The following GPATCH8 variants were observed in gnomAD, a reference collection of about 807,000 sequenced individuals.
GPATCH8 encodes the protein G-patch domain containing 8.
A neutral mutation model predicts 118.3 loss-of-function variants in GPATCH8; 18 were observed. That is an observed-to-expected ratio of 0.15 (90% confidence interval 0.11 to 0.23). GPATCH8 has a LOEUF of 0.23. GPATCH8 is among the 10% of genes least tolerant of loss of function. The pLI is 1.00. For synonymous variants in GPATCH8, 659 were observed against 684.7 expected (o/e 0.96, Z 0.59); for missense variants, 1,631 against 1,873.8 (o/e 0.87, Z 2.39).
chr17:44,454,015 C>A (rs2051234147), intron 3 of GPATCH8, among the ~76,000 whole-genome samples: 1 of 152,146 alleles, frequency 6.6e-6, no homozygotes, highest in Admixed American at 6.5e-5. Flanking sequence ...TCCAATTAGC[C>A]ACACCTACTC....
intron 1 of GPATCH8, among the ~76,000 whole-genome samples, chr17:44,483,548 C>T (rs891349541): frequency 3.3e-5 from 5 of 151,646 alleles, no homozygotes; most frequent in African/African-American, 7.3e-5. Context: ...CGCGACTGGC[C>T]GAGGTAGGCT....
chr17:44,496,467 A>T (rs981610627), intron 1 of GPATCH8, among the ~76,000 whole-genome samples: 1 of 152,226 alleles, frequency 6.6e-6, no homozygotes, highest in African/African-American at 2.4e-5. Context: ...CAATGTAATT[A>T]CCAAAGAGTC....
rs1555616382 is a variant in GPATCH8, at chr17:44,395,381, T to C, written c.*2187A>G. 6.6e-6 allele frequency: 3 copies of C among 452,372 alleles called. No individual in the cohort carries two copies. In the East Asian group the frequency reaches 2.1e-4, roughly 31 times the overall value. The allele number at this position is 452,372 out of a possible 1,614,324, so 28.0% of individuals were successfully genotyped here. ...AAAGTTAAATACAATCTGTTATGCT[T>C]GTAAGTAAGGTTTATTTTTATTTTT... is the stretch of plus-strand genomic sequence containing the variant. On this transcript the variant is annotated 3_prime_UTR_variant, in exon 8 of 8. Transcript: ENST00000591680.
Position 44,395,996 on chromosome 17 carries a change from C to A in GPATCH8, c.*1572G>T. On this transcript the variant is annotated 3_prime_UTR_variant, in exon 8 of 8. Transcript: ENST00000591680. ...GTCATGGGAGAAAAGAAACAAGGAACGTTTACTGTCTAAACTGAGCTGGGC... is the reference window on the plus strand; with the variant it reads ...GTCATGGGAGAAAAGAAACAAGGAAAGTTTACTGTCTAAACTGAGCTGGGC... 1 of 454,468 alleles carries A rather than the reference C, an allele frequency of 2.2e-6. No individual in the cohort carries two copies. The highest frequency in any genetic ancestry group is 1.6e-5 in the South Asian group (1 of 64,470). 28.2% of individuals were successfully genotyped at this position (454,468 alleles called of 1,614,324 possible). A position where few individuals can be genotyped will look rare whatever the true frequency, so the allele number is the denominator to read the frequency against.
intron 3 of GPATCH8, chr17:44,436,857 T>C: frequency 3.0e-6 from 1 of 331,392 alleles, no homozygotes; most frequent in Non-Finnish European, 5.7e-6. Context: ...ACTTTAAAAA[T>C]TCCTTTTAAG....
chr17:44,431,522 T>C (rs1028891658), intron 5 of GPATCH8, among the ~76,000 whole-genome samples: 2 of 151,756 alleles, frequency 1.3e-5, no homozygotes, highest in Non-Finnish European at 2.9e-5. Flanking sequence ...TAAGTGTTTA[T>C]AGTTTTTCTT....
At chr17:44,448,531 GAAGAAGGAAGAAGAAGAGGAA>G (rs1444636166) in intron 3 of GPATCH8, among the ~76,000 whole-genome samples, 39 of 91,470 alleles carry the variant, frequency 4.3e-4, no homozygotes, top group African/African-American at 1.4e-3. Context: ...GGAGGAAGAA[GAAGAAGGAAGAAGAAGAGGAA>G]GAGGAAGAAG....
chr17:44,442,205 T>C (rs1021534503), intron 3 of GPATCH8, among the ~76,000 whole-genome samples: 2 of 108,948 alleles, frequency 1.8e-5, no homozygotes, highest in African/African-American at 6.2e-5. Context: ...CTGCATATAG[T>C]GATGATGTAA....
chr17:44,405,839 T>A, intron 7 of GPATCH8, 82 bp downstream of exon 7: 1 of 1,087,246 alleles, frequency 9.2e-7, no homozygotes, highest in South Asian at 1.4e-5. Flanking sequence ...ATTTAAATCT[T>A]AAATTATAAT....
intron 2 of GPATCH8, among the ~76,000 whole-genome samples, chr17:44,468,977 C>T (rs7213378): frequency 0.047 from 7,166 of 152,190 alleles, 536 homozygotes; most frequent in African/African-American, 0.16. Flanking sequence ...GGTGGCTGTG[C>T]GGCCTGTTCT....
At chr17:44,477,932 C>T (rs1437093969) in intron 1 of GPATCH8, among the ~76,000 whole-genome samples, 1 of 151,862 alleles carries the variant, frequency 6.6e-6, no homozygotes, top group Non-Finnish European at 1.5e-5. Flanking sequence ...GCCTCAGCCT[C>T]CGGAGTAGCT....
rs2048917426 is a variant in GPATCH8, at chr17:44,399,394, T to C, written c.2683A>G (p.Ser895Gly). The C allele has an allele frequency of 6.2e-7, 1 of 1,614,062 alleles. No homozygotes were observed. Residue 895 changes from serine (S) to glycine (G), a missense_variant, in exon 8 of 8, where the codon AGT becomes GGT. Ser to Gly is a moderately conservative substitution (Grantham distance 56, BLOSUM62 0). This residue lies in a region of GPATCH8 where 922 missense variants were observed against 879.7 expected (regional missense o/e 1.05). Coordinates refer to ENST00000591680, the MANE Select transcript of GPATCH8 (RefSeq NM_001002909.4). Reference protein sequence around the residue: ...RQRSYSDDSYSDYSDRSRRHS... With the variant: ...RQRSYSDDSYGDYSDRSRRHS... Reference sequence around the variant, plus strand: ...CTTCGTGATCTGTCACTGTAGTCACTGTAGCTGTCATCAGAGTAACTGCGC... The same window carrying C: ...CTTCGTGATCTGTCACTGTAGTCACCGTAGCTGTCATCAGAGTAACTGCGC...
chr17:44,451,264 T>C (rs2051102050), intron 3 of GPATCH8, among the ~76,000 whole-genome samples: 1 of 152,172 alleles, frequency 6.6e-6, no homozygotes, highest in Non-Finnish European at 1.5e-5. Context: ...TGGCTAATTT[T>C]TGTATATTTT....
chr17:44,468,848 C>A (rs1342633724), intron 2 of GPATCH8, among the ~76,000 whole-genome samples: 1 of 151,872 alleles, frequency 6.6e-6, no homozygotes, highest in Non-Finnish European at 1.5e-5. Flanking sequence ...GCAAAGAAAT[C>A]CTAACTTTAA....
At chr17:44,417,256 A>T (rs1023187645) in intron 6 of GPATCH8, among the ~76,000 whole-genome samples, 1 of 152,214 alleles carries the variant, frequency 6.6e-6, no homozygotes, top group African/African-American at 2.4e-5. Context: ...CAAACAGTTT[A>T]GACAAGGTCA....
chr17:44,477,858 A>G (rs915588700), intron 1 of GPATCH8, among the ~76,000 whole-genome samples: 1 of 152,188 alleles, frequency 6.6e-6, no homozygotes, highest in Non-Finnish European at 1.5e-5. Context: ...CGCCCAGGCT[A>G]GAGCGCAGTG....
intron 3 of GPATCH8, among the ~76,000 whole-genome samples, chr17:44,453,500 G>GGGGTGTGTGTGTGTGTGTGTGTGTGT (rs1222816424): frequency 7.0e-6 from 1 of 142,702 alleles, no homozygotes; most frequent in African/African-American, 2.7e-5. Flanking sequence ...GGTAGGTAGG[G>GGGGTGTGTGTGTGTGTGTGTGTGTGT]GTGTGTGTGT....
rs567620294 is a variant in GPATCH8, at chr17:44,456,194, C to A, written c.193+8278G>T. Among the ~76,000 whole-genome samples the A allele has an allele frequency of 2.6e-5, 4 of 152,108 alleles. No individual in the cohort carries two copies. In the South Asian group the frequency reaches 8.3e-4, roughly 32 times the overall value. ...AGTGGCACATCACAGCTCACTATAA[C>A]CTCCAACACTAGGTAGGGCTCAAGC... On this transcript the variant is annotated intron_variant, in intron 3 of 7. Transcript: ENST00000591680.
At chr17:44,470,860 C>T (rs1225814015) in intron 2 of GPATCH8, among the ~76,000 whole-genome samples, 1 of 152,224 alleles carries the variant, frequency 6.6e-6, no homozygotes, top group Non-Finnish European at 1.5e-5. Context: ...TCCTAAAAAA[C>T]ACCAATTAAT....
Sources: gnomAD v4.1 joint callset for allele counts (sites outside exome capture counted in the v4.1 genomes callset) on GRCh38, gnomAD v4.1.1 for gene constraint, gnomAD v4.1.1 regional missense constraint, MANE v1.5 for transcripts, NCBI Gene and HGNC (gene_info 2026-07-23, HGNC 2026-07-21) for gene names.